Variants in MRTFB observed in about 807,000 individuals in gnomAD.
MRTFB encodes myocardin-related transcription factor B.
Under a neutral mutation model 104.2 loss-of-function variants are expected in MRTFB, and 29 were observed. That is an observed-to-expected ratio of 0.28 (90% CI 0.21 to 0.38). The LOEUF (loss-of-function observed/expected upper bound fraction) is 0.38, where lower values mean the gene tolerates loss of function less well. MRTFB is among the 10% of genes least tolerant of loss of function. MRTFB has a pLI of 1.00. For synonymous variants in MRTFB, 535 were observed against 519.5 expected, an observed-to-expected ratio of 1.03 and a Z score of -0.41; for missense variants, 1,270 against 1,341.6, an observed-to-expected ratio of 0.95 and a Z score of 0.83.
chr16:14,118,945 A>G (rs2036692621), intron 2 of MRTFB, among the ~76,000 whole-genome samples: 1 of 151,776 alleles, frequency 6.6e-6, no homozygotes, highest in African/African-American at 2.4e-5. Flanking sequence ...GTTTTGTTGT[A>G]TGATATTTTA....
intron 3 of MRTFB, among the ~76,000 whole-genome samples, chr16:14,188,125 C>T (rs761672328): frequency 2.5e-4 from 38 of 152,180 alleles, no homozygotes; most frequent in Non-Finnish European, 5.0e-4. Flanking sequence ...AAATAAATGA[C>T]ACACAATGAA....
chr16:14,186,787 G>A, intron 3 of MRTFB: 1 of 1,536,202 alleles, frequency 6.5e-7, no homozygotes, highest in Non-Finnish European at 8.7e-7. Context: ...TAATTGGCCA[G>A]TGATTGGGGT....
intron 10 of MRTFB, among the ~76,000 whole-genome samples, chr16:14,244,109 A>G (rs1183128090): frequency 6.6e-6 from 1 of 151,862 alleles, no homozygotes; most frequent in Non-Finnish European, 1.5e-5. Flanking sequence ...CGATCTCCTG[A>G]CCTCATGATC....
intron 9 of MRTFB, among the ~76,000 whole-genome samples, chr16:14,234,813 C>G (rs1356148734): frequency 6.6e-6 from 1 of 151,948 alleles, no homozygotes; most frequent in African/African-American, 2.4e-5. Context: ...AAAACAAAAC[C>G]AACTACTGGG....
At position 14,177,903 on chromosome 16, in the gene MRTFB, G is replaced by GGTGTGT. The variant is rs142062484; in HGVS notation, c.155-32312_155-32307dup. Among the ~76,000 whole-genome samples, 8,954 of 145,958 alleles carry GGTGTGT rather than the reference G, an allele frequency of 0.061. 414 individuals are homozygous for GGTGTGT. Among genetic ancestry groups the GGTGTGT allele is most frequent in the East Asian group, 0.27 (1,330 of 4,996 alleles). On this transcript the variant is annotated intron_variant, in intron 3 of 16. Transcript: ENST00000571589. The surrounding 1 kb of genome is among the most constrained non-coding windows in gnomAD (Gnocchi z 4.7). The stretch of plus-strand genomic sequence containing the variant: ...CGAGAAGTACATGAACCAGAGGTAG[G>GGTGTGT]GTGTGTGTGTGTGTGTGTGTGTGTG...
chr16:14,244,014 G>T (rs1364323603), intron 10 of MRTFB, among the ~76,000 whole-genome samples: 1 of 151,740 alleles, frequency 6.6e-6, no homozygotes, highest in Admixed American at 6.6e-5. Flanking sequence ...AGTAGCTGGG[G>T]CTACAGGCGC....
upstream of MRTFB, among the ~76,000 whole-genome samples, chr16:14,068,608 G>A (rs1433369648): frequency 6.6e-6 from 1 of 152,134 alleles, no homozygotes; most frequent in East Asian, 1.9e-4. Flanking sequence ...GTGTTGCTGT[G>A]TGTGTTGTTG....
the MRTFB span, among the ~76,000 whole-genome samples, chr16:14,063,412 G>A: frequency 0.025 from 3,753 of 152,156 alleles, 172 homozygotes; most frequent in African/African-American, 0.086. Context: ...TCTATAAATT[G>A]CATGTCGACA....
At chr16:14,109,980 A>C (rs1310028249) in intron 2 of MRTFB, among the ~76,000 whole-genome samples, 2 of 152,252 alleles carry the variant, frequency 1.3e-5, no homozygotes, top group Non-Finnish European at 2.9e-5. Context: ...TCAGAAAAGG[A>C]GAGGAAAAAG....
chr16:14,093,587 A>G (rs905793529), intron 2 of MRTFB, among the ~76,000 whole-genome samples: 2 of 152,340 alleles, frequency 1.3e-5, no homozygotes, highest in Admixed American at 1.3e-4. Flanking sequence ...AGATACTATG[A>G]TCATTTAAAA....
At chr16:14,240,038 G>A (rs2042694072) in intron 9 of MRTFB, among the ~76,000 whole-genome samples, 199 bp from the exon 10 acceptor site, 1 of 152,190 alleles carries the variant, frequency 6.6e-6, no homozygotes, top group Admixed American at 6.5e-5. Context: ...CAGTGCAGCA[G>A]GAGAAAATTT....
intron 3 of MRTFB, among the ~76,000 whole-genome samples, chr16:14,167,947 G>A (rs557660488): frequency 4.4e-4 from 67 of 151,912 alleles, no homozygotes; most frequent in South Asian, 8.3e-4. Context: ...TCAGCCTTCC[G>A]GAGTGCTGAG....
At chr16:14,228,237 T>C (rs181467296) in intron 8 of MRTFB, among the ~76,000 whole-genome samples, 16 of 152,302 alleles carry the variant, frequency 1.1e-4, no homozygotes, top group South Asian at 4.1e-4. Context: ...AAAATTAAAC[T>C]AGAATTGCCA....
the MRTFB span, among the ~76,000 whole-genome samples, chr16:14,048,761 C>G: frequency 2.0e-5 from 3 of 152,130 alleles, no homozygotes; most frequent in African/African-American, 7.2e-5. Context: ...ACAGCTTTTC[C>G]CAGCTCCCAC....
Position 14,252,485 on chromosome 16 carries a change from C to G in MRTFB, c.2686C>G (p.Gln896Glu). Residue 896 changes from glutamine (Q) to glutamate (E), a missense_variant, in exon 15 of 17, where the codon CAG becomes GAG. Gln to Glu is a conservative substitution (Grantham distance 29, BLOSUM62 2). Coordinates refer to ENST00000571589, the MANE Select transcript of MRTFB (RefSeq NM_001308142.2). ...GGCCATCAAGCAGACACGCAGCACA[C>G]AGGCCCCTCTGCCAGAGGTAAGTGA... is the stretch of plus-strand genomic sequence containing the variant. ...EEAIKQTRST[Q>E]APLPEISNAH... 1 of 1,614,054 alleles carries G rather than the reference C, an allele frequency of 6.2e-7. No individual in the cohort carries two copies. The highest frequency in any genetic ancestry group is 8.5e-7 in the Non-Finnish European group (1 of 1,180,014).
chr16:14,145,983 T>TGCAA (rs1461095728), intron 3 of MRTFB, among the ~76,000 whole-genome samples: 2 of 152,262 alleles, frequency 1.3e-5, no homozygotes, highest in Non-Finnish European at 2.9e-5. Flanking sequence ...TGAGGTCGTG[T>TGCAA]GCAAGACCGG....
the MRTFB span, among the ~76,000 whole-genome samples, chr16:14,017,503 A>G: frequency 3.3e-5 from 5 of 149,390 alleles, 1 homozygote; most frequent in Admixed American, 2.7e-4. Flanking sequence ...CTTTTTCATT[A>G]TATGAAATGT....
rs774816463 is a variant in MRTFB, at chr16:14,140,738, C to G, written c.132C>G (p.Pro44=). 3.1e-6 allele frequency: 5 copies of G among 1,614,098 alleles called. No individual in the cohort carries two copies. The South Asian group carries it at 4.4e-5, about 14-fold the overall frequency. ...CCTTGCAGTCCAGTCAAAACTTACC[C>G]CCTCTGAACGAAAGGAAAAATGGTG... ...ELSLQSSQNL[P]PLNERKNVLQ... Residue 44 remains proline (P), a synonymous_variant, in exon 3 of 17, where the codon CCC becomes CCG. Coordinates refer to ENST00000571589, the MANE Select transcript of MRTFB (RefSeq NM_001308142.2).
the MRTFB span, among the ~76,000 whole-genome samples, chr16:14,017,529 G>A: frequency 0.1 from 14,398 of 143,526 alleles, 951 homozygotes; most frequent in African/African-American, 0.14. Flanking sequence ...GTGTTTGTTC[G>A]TGTGAAACCT....
Sources: gnomAD v4.1 joint callset for allele counts (sites outside exome capture counted in the v4.1 genomes callset) on GRCh38, gnomAD v4.1.1 for gene constraint, Gnocchi (gnomAD v3.1) non-coding constraint, MANE v1.5 for transcripts, NCBI Gene and HGNC (gene_info 2026-07-23, HGNC 2026-07-21) for gene names.